FOXP4: variants seen among roughly 807,000 people sequenced by gnomAD.
The protein encoded by FOXP4 is forkhead box P4, also known as forkhead box protein P4.
In FOXP4, 25 loss-of-function variants were observed where a neutral mutation model predicts 82.6. The ratio of observed to expected loss-of-function variants is 0.30; its 90% CI spans 0.22 to 0.42. FOXP4 has a LOEUF of 0.42. Ranked by LOEUF, FOXP4 falls within the 10% of genes least tolerant of loss-of-function variation. The pLI is 1.00. For missense variants in FOXP4, 785 were observed against 900.9 expected (o/e 0.87, Z 1.65); for synonymous variants, 415 against 388.2 (o/e 1.07, Z -0.81).
chr6:41,571,884 C>T (rs892162737), intron 2 of FOXP4, among the ~76,000 whole-genome samples: 19 of 152,046 alleles, frequency 1.2e-4, no homozygotes, highest in African/African-American at 3.4e-4. Context: ...CTTCTTGTAC[C>T]CCTTTCTTCC....
chr6:41,596,697 C>T (rs530690149), intron 14 of FOXP4, among the ~76,000 whole-genome samples: 14 of 152,198 alleles, frequency 9.2e-5, no homozygotes, highest in East Asian at 3.9e-4. Flanking sequence ...TGGAGGCTTC[C>T]ATACAGAAGC....
At position 41,593,802 on chromosome 6, in the gene FOXP4, G is replaced by A. The variant is rs529633181; in HGVS notation, c.1537-1068G>A. Among the ~76,000 whole-genome samples the A allele has an allele frequency of 1.2e-4, 18 of 152,336 alleles. No individual in the cohort carries two copies. The highest frequency in any genetic ancestry group is 2.1e-4 in the Non-Finnish European group (14 of 68,028). Reference sequence around the variant, plus strand: ...TAATGAAATCGGGCCAGTTGCAAGTGGCAAGAGTTGGAAGGGAGAGAGGGA... The same window carrying A: ...TAATGAAATCGGGCCAGTTGCAAGTAGCAAGAGTTGGAAGGGAGAGAGGGA... On this transcript the variant is annotated intron_variant, in intron 13 of 16. Coordinates refer to ENST00000307972, the MANE Select transcript of FOXP4 (RefSeq NM_001012426.2). This position sits in a 1 kb window ranked among gnomAD's most constrained non-coding sequence, Gnocchi z 4.1.
Position 41,597,805 on chromosome 6 carries a change from C to G in FOXP4, c.1750C>G (p.Pro584Ala). ...YQAALAESSF[P>A]LLNSPGMLNP... is the part of the protein sequence containing the mutation. ...GGCCGCCCTGGCCGAGAGCAGCTTC[C>G]CCCTCCTCAACAGCCCTGGCATGCT... Residue 584 changes from proline to alanine, a missense_variant, in exon 16 of 17, where the codon CCC becomes GCC. Around this residue, in one of 3 missense-constraint regions of FOXP4, gnomAD observed 184 missense variants for 187.3 expected, o/e 0.98. Coordinates refer to ENST00000307972, the MANE Select transcript of FOXP4 (RefSeq NM_001012426.2). 6.2e-7 allele frequency: 1 copy of G among 1,607,656 alleles called. No homozygotes were observed. The highest frequency in any genetic ancestry group is 8.5e-7 in the Non-Finnish European group (1 of 1,179,338).
Position 41,599,062 on chromosome 6 carries a change from C to T in FOXP4, c.*126C>T, listed in dbSNP as rs544373665. 2.3e-5 allele frequency: 31 copies of T among 1,324,938 alleles called. No individual in the cohort carries two copies. In the Admixed American group the frequency reaches 5.2e-4, roughly 22 times the overall value. The allele number at this position is 1,324,938 out of a possible 1,614,324, so 82.1% of individuals were successfully genotyped here. ...GTCCAGGACTCAGACCGGGGAGGCC[C>T]GGGCCAGCAGCTCCCAGTGTGACCT... On this transcript the variant is annotated 3_prime_UTR_variant, in exon 17 of 17. Transcript: ENST00000307972.
intron 1 of FOXP4, among the ~76,000 whole-genome samples, chr6:41,555,696 A>G (rs1285603254): frequency 6.6e-6 from 1 of 152,226 alleles, no homozygotes; most frequent in African/African-American, 2.4e-5. Flanking sequence ...CAAACTTGGC[A>G]TTCGGCTCCT....
At position 41,602,380 on chromosome 6, in the gene FOXP4, C is replaced by T; in HGVS notation, c.*3444C>T. ...CTACAATGCAATAAAAACAATTACC[C>T]ATGATTTTGCTGCGGCCGCTTCCCC... On this transcript the variant is annotated 3_prime_UTR_variant, in exon 17 of 17. Coordinates refer to ENST00000307972, the MANE Select transcript of FOXP4 (RefSeq NM_001012426.2). The T allele has an allele frequency of 6.6e-6, 1 of 152,488 alleles. No individual in the cohort carries two copies. The allele number at this position is 152,488 out of a possible 1,614,324, so 9.4% of individuals were successfully genotyped here. A position where few individuals can be genotyped will look rare whatever the true frequency, so the allele number is the denominator to read the frequency against.
At chr6:41,588,777 C>T (rs771339627) in intron 9 of FOXP4, 46 bp downstream of exon 9, 2 of 1,600,880 alleles carry the variant, frequency 1.2e-6, no homozygotes, top group Non-Finnish European at 8.5e-7. Context: ...GGCTCCAGCC[C>T]CTGCCCACCC....
intron 1 of FOXP4, among the ~76,000 whole-genome samples, chr6:41,563,714 T>A (rs1285603153): frequency 6.6e-6 from 1 of 152,186 alleles, no homozygotes; most frequent in Non-Finnish European, 1.5e-5. Flanking sequence ...TCAGGTGCCA[T>A]GTGCATGTTT....
At position 41,595,513 on chromosome 6, in the gene FOXP4, C is replaced by T. The variant is rs1194393747; in HGVS notation, c.1658+522C>T. 2.6e-5 allele frequency among the ~76,000 whole-genome samples: 4 copies of T among 152,342 alleles called. No individual in the cohort carries two copies. In the South Asian group the frequency reaches 6.2e-4, roughly 24 times the overall value. ...CTGGTTCCAGGACCAGGTCTCTGCC[C>T]TCCTGGTCTTTTGTGCTCAGCTTCA... is the stretch of plus-strand genomic sequence containing the variant. On this transcript the variant is annotated intron_variant, in intron 14 of 16. Coordinates refer to ENST00000307972, the MANE Select transcript of FOXP4 (RefSeq NM_001012426.2).
At chr6:41,581,565 T>C (rs992633677) in intron 3 of FOXP4, among the ~76,000 whole-genome samples, 11 of 152,196 alleles carry the variant, frequency 7.2e-5, no homozygotes, top group Admixed American at 1.3e-4. Flanking sequence ...TCCTGAGGCA[T>C]CTGAGCCTGG....
In FOXP4 at chr6:41,565,979, G is replaced by A. The variant is rs202109888; in HGVS notation, c.204+15G>A. ...AGCAGCAACAGGTAGGAACTGGTGC[G>A]CCTTGGGGTATCTGGGAGCGGGAGA... On this transcript the variant is annotated intron_variant, in intron 2 of 16. Transcript: ENST00000307972. 555 of 1,602,394 alleles carry A rather than the reference G, an allele frequency of 3.5e-4. 1 individual carries two copies. The African/African-American group carries it at 4.2e-3, about 12-fold the overall frequency.
chr6:41,595,268 C>T (rs914773485), intron 14 of FOXP4, among the ~76,000 whole-genome samples: 4 of 152,238 alleles, frequency 2.6e-5, no homozygotes, highest in Non-Finnish European at 5.9e-5. Flanking sequence ...CAAAGAGAGA[C>T]AGGGGCCCCA....
chr6:41,589,450 C>T (rs1187170125), intron 9 of FOXP4, among the ~76,000 whole-genome samples: 2 of 151,922 alleles, frequency 1.3e-5, no homozygotes, highest in African/African-American at 2.4e-5. Context: ...CAGTGGCCGC[C>T]CCCCCGTGGG....
chr6:41,554,244 G>C (rs1355858497), intron 1 of FOXP4, among the ~76,000 whole-genome samples: 1 of 152,250 alleles, frequency 6.6e-6, no homozygotes, highest in Admixed American at 6.5e-5. Context: ...CATAAGGGCT[G>C]AGGTCACAAG....
chr6:41,599,259 C>T lies in FOXP4; in HGVS notation c.*323C>T, dbSNP rs950420611. ...AGGGCCCTCCTCCCCCACCAGCTCT[C>T]CCCACAGGGCCCCTCAGCATCATGG... On this transcript the variant is annotated 3_prime_UTR_variant, in exon 17 of 17. Transcript: ENST00000307972. 3 of 225,184 alleles carry T rather than the reference C, an allele frequency of 1.3e-5. No homozygotes were observed. The highest frequency in any genetic ancestry group is 2.6e-5 in the Non-Finnish European group (3 of 113,460). 13.9% of individuals were successfully genotyped at this position (225,184 alleles called of 1,614,324 possible).
chr6:41,597,645 C>A, intron 15 of FOXP4, 136 bp from the exon 16 acceptor site: 1 of 1,151,022 alleles, frequency 8.7e-7, no homozygotes, highest in Non-Finnish European at 1.2e-6. Context: ...TTGGGGGTTG[C>A]CCAGACAGAT....
intron 12 of FOXP4, among the ~76,000 whole-genome samples, 169 bp downstream of exon 12, chr6:41,590,516 G>A (rs1434929141): frequency 6.6e-6 from 1 of 152,150 alleles, no homozygotes; most frequent in Non-Finnish European, 1.5e-5. Context: ...CCTGCAGGCT[G>A]GGCCCTGTCA....
Position 41,597,189 on chromosome 6 carries a change from G to C in FOXP4, c.1672G>C (p.Val558Leu). Reference sequence around the variant, plus strand: ...TCTGTCCTCCAGGAGCCCCACCCTGGTGAAGAACATGATCTCTGGCCTCAG... The same window carrying C: ...TCTGTCCTCCAGGAGCCCCACCCTGCTGAAGAACATGATCTCTGGCCTCAG... ...PPKMTGSPTL[V>L]KNMISGLSYG... is the part of the protein sequence containing the mutation. Residue 558 changes from valine (V) to leucine (L), a missense_variant, in exon 15 of 17, where the codon GTG (valine) becomes CTG (leucine). Physicochemically the swap from Val to Leu is conservative, Grantham distance 32 (BLOSUM62 1). Transcript: ENST00000307972. 1 of 1,614,170 alleles carries C rather than the reference G, an allele frequency of 6.2e-7. No homozygotes were observed. The highest frequency in any genetic ancestry group is 8.5e-7 in the Non-Finnish European group (1 of 1,180,020).
intron 1 of FOXP4, 55 bp from the exon 2 acceptor site, chr6:41,565,690 T>G: frequency 6.7e-7 from 1 of 1,492,344 alleles, no homozygotes; most frequent in Non-Finnish European, 9.1e-7. Context: ...CAGCAGTCAC[T>G]GCCCTTTCAG....
Sources: gnomAD v4.1 joint callset for allele counts (sites outside exome capture counted in the v4.1 genomes callset) on GRCh38, gnomAD v4.1.1 for gene constraint, gnomAD v4.1.1 regional missense constraint, Gnocchi (gnomAD v3.1) non-coding constraint, MANE v1.5 for transcripts, NCBI Gene and HGNC (gene_info 2026-07-23, HGNC 2026-07-21) for gene names.